GXYLT2: variants seen among roughly 807,000 people sequenced by gnomAD.
GXYLT2 encodes the protein glycosyltransferase 8 domain containing 4.
Under a neutral mutation model 45.8 loss-of-function variants are expected in GXYLT2, and 53 were observed. That is an observed-to-expected ratio of 1.16 (90% CI 0.93 to 1.46). GXYLT2 has a LOEUF of 1.46. Among genes scored for constraint, GXYLT2 ranks in the 40% most tolerant of loss-of-function variants. GXYLT2 has a pLI of 0.00. For missense variants in GXYLT2, 551 were observed against 544.4 expected, an observed-to-expected ratio of 1.01 and a Z score of -0.12; for synonymous variants, 219 against 214.2, an observed-to-expected ratio of 1.02 and a Z score of -0.19.
intron 1 of GXYLT2, among the ~76,000 whole-genome samples, chr3:72,905,459 G>C (rs1428674389): frequency 1.3e-5 from 2 of 152,062 alleles, no homozygotes; most frequent in Non-Finnish European, 2.9e-5. Context: ...TGCCAGTCTG[G>C]TTTATTTTTT....
chr3:72,945,160 C>T (rs1284381993), intron 3 of GXYLT2, among the ~76,000 whole-genome samples: 1 of 149,820 alleles, frequency 6.7e-6, no homozygotes, highest in East Asian at 1.9e-4. Context: ...TGGTGGCAGG[C>T]GCCTGTAGTC....
In GXYLT2 at chr3:72,901,554, C is replaced by CTTTT. The variant is rs71124002; in HGVS notation, c.276-6792_276-6789dup. 8.3e-4 allele frequency among the ~76,000 whole-genome samples: 64 copies of CTTTT among 77,200 alleles called. 1 individual carries two copies. The highest frequency in any genetic ancestry group is 1.5e-3 in the African/African-American group (26 of 17,324). The allele number at this position is 77,200 out of a possible 152,430, so 50.6% of individuals were successfully genotyped here. On this transcript the variant is annotated intron_variant, in intron 1 of 6. Transcript: ENST00000389617. Reference sequence around the variant, plus strand: ...ACCATAGAATTTCAGAACATTTTCGCTTTTTTTTTTTTTTTTTTTTTTTTG... The same window carrying CTTTT: ...ACCATAGAATTTCAGAACATTTTCGCTTTTTTTTTTTTTTTTTTTTTTTTTTTTG...
chr3:72,948,797 A>T (rs1360035884), intron 3 of GXYLT2, among the ~76,000 whole-genome samples: 3 of 149,128 alleles, frequency 2.0e-5, no homozygotes, highest in Non-Finnish European at 3.0e-5. Flanking sequence ...AGATCATGCC[A>T]CTGCACTCCA....
chr3:72,960,933 G>A lies in GXYLT2; in HGVS notation c.976+3581G>A, dbSNP rs201042622. 1.1e-4 allele frequency among the ~76,000 whole-genome samples: 17 copies of A among 152,346 alleles called. No homozygotes were observed. In the East Asian group the frequency reaches 1.2e-3, roughly 10 times the overall value. ...GGGTGAACCAATGCACATAAAACCT[G>A]TAGCACACATCAGGAAATGTTGTCA... is the stretch of plus-strand genomic sequence containing the variant. On this transcript the variant is annotated intron_variant, in intron 5 of 6. Coordinates refer to ENST00000389617, the MANE Select transcript of GXYLT2 (RefSeq NM_001080393.2).
At chr3:72,927,553 C>T (rs1448244141) in intron 3 of GXYLT2, among the ~76,000 whole-genome samples, 1 of 152,066 alleles carries the variant, frequency 6.6e-6, no homozygotes, top group Non-Finnish European at 1.5e-5. Flanking sequence ...AAGGTCAGAC[C>T]TCTATATTAT....
chr3:72,891,270 GGA>G (rs1559722310), intron 1 of GXYLT2, among the ~76,000 whole-genome samples: 1 of 152,118 alleles, frequency 6.6e-6, no homozygotes, highest in East Asian at 1.9e-4. Context: ...GCCTGGAGTT[GGA>G]TGTGACACAG....
intron 1 of GXYLT2, among the ~76,000 whole-genome samples, chr3:72,891,377 A>G (rs972166215): frequency 6.6e-6 from 1 of 152,196 alleles, no homozygotes; most frequent in African/African-American, 2.4e-5. Context: ...CAGGAAACAT[A>G]GCACTCTCCT....
At chr3:72,972,901 T>C (rs75257649) in intron 6 of GXYLT2, among the ~76,000 whole-genome samples, 1 of 151,938 alleles carries the variant, frequency 6.6e-6, no homozygotes, top group Non-Finnish European at 1.5e-5. Context: ...GGCCCCACTG[T>C]ACTCCAGCCA....
rs2107049613 is a variant in GXYLT2 at position 72,888,477 on chromosome 3, C to T, written c.244C>T (p.Arg82Trp). The T allele has an allele frequency of 8.0e-7, 1 of 1,250,894 alleles. No homozygotes were observed. The allele number at this position is 1,250,894 out of a possible 1,614,324, so 77.5% of individuals were successfully genotyped here. ...GCGTCCGCGCCCCCGAGCGGGCCGC[C>T]GGGGCGCTGCGAGACTGGAGAAGTT... Reference protein sequence around the residue: ...PPRPRPRAGRRGAARLEKLAR... With the variant: ...PPRPRPRAGRWGAARLEKLAR... The change falls in exon 1 of 7, where the codon CGG (arginine) becomes TGG (tryptophan). Residue 82 changes from arginine to tryptophan, a missense_variant. Coordinates refer to ENST00000389617, the MANE Select transcript of GXYLT2 (RefSeq NM_001080393.2).
Position 72,904,384 on chromosome 3 carries a change from C to G in GXYLT2, c.276-3983C>G, listed in dbSNP as rs575416794. ...ACTGCACAGCACTAACACTGATTACCTAAAGCCTGAGATTTTTCATGTAAT... is the reference window on the plus strand; with the variant it reads ...ACTGCACAGCACTAACACTGATTACGTAAAGCCTGAGATTTTTCATGTAAT... On this transcript the variant is annotated intron_variant, in intron 1 of 6. Coordinates refer to ENST00000389617, the MANE Select transcript of GXYLT2 (RefSeq NM_001080393.2). Among the ~76,000 whole-genome samples the G allele has an allele frequency of 7.2e-5, 11 of 152,312 alleles. No individual in the cohort carries two copies. In the East Asian group the frequency reaches 1.9e-3, roughly 27 times the overall value.
chr3:72,918,737 A>G (rs934242013), intron 2 of GXYLT2, among the ~76,000 whole-genome samples: 3 of 152,146 alleles, frequency 2.0e-5, no homozygotes, highest in Non-Finnish European at 4.4e-5. Context: ...CTGAGGCACA[A>G]GAATTGCTTG....
At chr3:72,925,318 G>A (rs941226240) in intron 3 of GXYLT2, among the ~76,000 whole-genome samples, 5 of 151,846 alleles carry the variant, frequency 3.3e-5, no homozygotes, top group South Asian at 2.1e-4. Context: ...ACCATGCCCC[G>A]CTAATTTTTG....
At chr3:72,948,982 C>G (rs2107134379) in intron 3 of GXYLT2, among the ~76,000 whole-genome samples, 1 of 152,098 alleles carries the variant, frequency 6.6e-6, no homozygotes, top group East Asian at 1.9e-4. Flanking sequence ...GGTGAGGAAG[C>G]AGAGAAGGAG....
chr3:72,957,204 G>C (rs1710665017), intron 4 of GXYLT2, 25 bp from the exon 5 acceptor site: 3 of 1,599,900 alleles, frequency 1.9e-6, no homozygotes, highest in South Asian at 2.3e-5. Flanking sequence ...TGCTTCAGCT[G>C]TTCTGATGGT....
chr3:72,957,457 C>T, intron 5 of GXYLT2, 105 bp downstream of exon 5: 5 of 1,146,784 alleles, frequency 4.4e-6, no homozygotes, highest in Non-Finnish European at 6.1e-6. Flanking sequence ...GAATTGTGCA[C>T]AGAGGAGCCT....
intron 2 of GXYLT2, among the ~76,000 whole-genome samples, chr3:72,921,255 T>C (rs1181136871): frequency 2.6e-5 from 4 of 152,152 alleles, no homozygotes; most frequent in African/African-American, 4.8e-5. Flanking sequence ...CTGTTTTCCA[T>C]GTCAGTACAT....
At position 72,975,043 on chromosome 3, in the gene GXYLT2, G is replaced by T. The variant is rs1308567003; in HGVS notation, c.1216G>T (p.Val406Leu). The change falls in exon 7 of 7, where the codon GTG becomes TTG. Residue 406 changes from valine to leucine, a missense_variant. Coordinates refer to ENST00000389617, the MANE Select transcript of GXYLT2 (RefSeq NM_001080393.2). ...YPLQLKFLETVHTLCGRIPQV... is the reference protein window; with the variant it reads ...YPLQLKFLETLHTLCGRIPQV... ...CCTTCAGCTGAAGTTTTTGGAGACTGTGCACACTTTATGTGGACGAATCCC... is the reference window on the plus strand; with the variant it reads ...CCTTCAGCTGAAGTTTTTGGAGACTTTGCACACTTTATGTGGACGAATCCC... 1 of 1,613,024 alleles carries T rather than the reference G, an allele frequency of 6.2e-7. No homozygotes were observed.
chr3:72,888,103 G>C lies in GXYLT2; in HGVS notation c.-131G>C. On this transcript the variant is annotated 5_prime_UTR_variant, in exon 1 of 7. Coordinates refer to ENST00000389617, the MANE Select transcript of GXYLT2 (RefSeq NM_001080393.2). ...CGCCGCCGCCGGCCGCCCGCCGGCC[G>C]CCACGACCCCAGTCCCCGGCGGGCG... is the stretch of plus-strand genomic sequence containing the variant. 2.1e-6 allele frequency: 1 copy of C among 466,886 alleles called. No homozygotes were observed. The highest frequency in any genetic ancestry group is 1.1e-3 in the Middle Eastern group (1 of 912). The allele number at this position is 466,886 out of a possible 1,614,324, so 28.9% of individuals were successfully genotyped here.
chr3:72,934,923 C>G (rs1710149072), intron 3 of GXYLT2, among the ~76,000 whole-genome samples: 1 of 152,132 alleles, frequency 6.6e-6, no homozygotes, highest in Non-Finnish European at 1.5e-5. Context: ...GAAGGATTCC[C>G]CATTAGAGTG....
Sources: allele counts gnomAD v4.1 joint callset (sites outside exome capture counted in the v4.1 genomes callset), GRCh38; gene constraint gnomAD v4.1.1; transcripts MANE v1.5; gene names NCBI Gene and HGNC (gene_info 2026-07-23, HGNC 2026-07-21).